The following IGF2BP3 variants were observed in gnomAD, a reference collection of about 807,000 sequenced individuals.
IGF2BP3 encodes the protein insulin like growth factor 2 mRNA binding protein 3.
A neutral mutation model predicts 73.8 loss-of-function variants in IGF2BP3; 9 were observed. The ratio of observed to expected loss-of-function variants is 0.12; its 90% CI spans 0.07 to 0.21. The LOEUF (loss-of-function observed/expected upper bound fraction) is 0.21. Among genes scored for constraint, IGF2BP3 ranks in the 10% least tolerant of loss-of-function variants. The pLI is 1.00. For synonymous variants in IGF2BP3, 258 were observed against 256.7 expected (o/e 1.01, Z -0.05); for missense variants, 542 against 714.0 (o/e 0.76, Z 2.75).
intron 10 of IGF2BP3, among the ~76,000 whole-genome samples, chr7:23,325,188 A>C (rs964434064): frequency 2.0e-5 from 3 of 152,206 alleles, no homozygotes; most frequent in African/African-American, 7.2e-5. Context: ...GTCTCAGCCC[A>C]AAATCTCCTT....
chr7:23,392,483 T>TATACACAC (rs894226871), intron 3 of IGF2BP3, among the ~76,000 whole-genome samples: 1 of 150,782 alleles, frequency 6.6e-6, no homozygotes, highest in Admixed American at 6.6e-5. Context: ...TATATATATA[T>TATACACAC]ATACACACAT....
At chr7:23,316,289 G>C (rs569176155) in intron 12 of IGF2BP3, among the ~76,000 whole-genome samples, 3 of 152,160 alleles carry the variant, frequency 2.0e-5, no homozygotes, top group African/African-American at 7.2e-5. Flanking sequence ...AGAAGTCAAA[G>C]AAAGTGATTT....
chr7:23,362,936 G>A (rs1340906142), intron 3 of IGF2BP3, among the ~76,000 whole-genome samples: 3 of 151,664 alleles, frequency 2.0e-5, no homozygotes, highest in Non-Finnish European at 2.9e-5. Flanking sequence ...AAAATTTTTT[G>A]TAGAGATGAG....
intron 3 of IGF2BP3, among the ~76,000 whole-genome samples, chr7:23,367,565 G>A (rs941868603): frequency 2.0e-5 from 3 of 151,468 alleles, no homozygotes; most frequent in East Asian, 2.0e-4. Flanking sequence ...CTATGCTTAG[G>A]TAAGTTTAAA....
intron 10 of IGF2BP3, among the ~76,000 whole-genome samples, chr7:23,341,792 T>G (rs1185604559): frequency 2.0e-5 from 3 of 152,072 alleles, no homozygotes; most frequent in Admixed American, 6.5e-5. Flanking sequence ...AAAAAAATTT[T>G]TTTAAATAAG....
chr7:23,314,259 T>C (rs992286501), intron 12 of IGF2BP3, among the ~76,000 whole-genome samples: 19 of 151,810 alleles, frequency 1.3e-4, no homozygotes, highest in Non-Finnish European at 2.1e-4. Flanking sequence ...CTTGGGTCAC[T>C]GCAACCCCCG....
chr7:23,426,249 C>A (rs1292567282), intron 2 of IGF2BP3, among the ~76,000 whole-genome samples: 2 of 145,322 alleles, frequency 1.4e-5, no homozygotes, highest in African/African-American at 2.6e-5. Flanking sequence ...ATCGCTTGAA[C>A]TCAGAGGCTG....
At position 23,310,706 on chromosome 7, in the gene IGF2BP3, A is replaced by C. The variant is rs1224545135; in HGVS notation, c.*1656T>G. The C allele has an allele frequency of 6.6e-6, 1 of 152,238 alleles. No individual in the cohort carries two copies. The highest frequency in any genetic ancestry group is 1.9e-4 in the East Asian group (1 of 5,200). The allele number at this position is 152,238 out of a possible 1,614,324, so 9.4% of individuals were successfully genotyped here. On this transcript the variant is annotated 3_prime_UTR_variant, in exon 15 of 15. Coordinates refer to ENST00000258729, the MANE Select transcript of IGF2BP3 (RefSeq NM_006547.3). ...GAGAACATTAAGGAAAACACTTTAA[A>C]TCATTTTCAAAATGTCTAATTGATC...
intron 11 of IGF2BP3, 132 bp downstream of exon 11, chr7:23,319,006 G>C (rs924263194): frequency 6.3e-6 from 4 of 634,296 alleles, no homozygotes; most frequent in Non-Finnish European, 1.1e-5. Flanking sequence ...CTGTTGTTTG[G>C]GGGTTTCTTC....
Position 23,469,774 on chromosome 7 carries a change from C to G in IGF2BP3, c.175+162G>C, listed in dbSNP as rs2128553684. Among the ~76,000 whole-genome samples, 1 of 151,712 alleles carries G rather than the reference C, an allele frequency of 6.6e-6. No individual in the cohort carries two copies. Among genetic ancestry groups the G allele is most frequent in the South Asian group, 2.1e-4 (1 of 4,816 alleles). ...CCGCGGGCCGGAGTGGGAGCCGGAG[C>G]TGAGGAGAGCCCCGGCCCCCACGCG... On this transcript the variant is annotated intron_variant, in intron 1 of 14. Coordinates refer to ENST00000258729, the MANE Select transcript of IGF2BP3 (RefSeq NM_006547.3). This position sits in a 1 kb window ranked among gnomAD's most constrained non-coding sequence, Gnocchi z 6.1.
At chr7:23,332,354 T>C (rs1784465894) in intron 10 of IGF2BP3, among the ~76,000 whole-genome samples, 1 of 152,206 alleles carries the variant, frequency 6.6e-6, no homozygotes, top group African/African-American at 2.4e-5. Flanking sequence ...ACTAAATTTG[T>C]ACCATATTGT....
chr7:23,400,696 T>C (rs1245403954), intron 3 of IGF2BP3, among the ~76,000 whole-genome samples: 1 of 152,200 alleles, frequency 6.6e-6, no homozygotes, highest in African/African-American at 2.4e-5. Flanking sequence ...GATCCAACCA[T>C]AAATACCTAC....
At chr7:23,374,334 C>G (rs1446506114) in intron 3 of IGF2BP3, among the ~76,000 whole-genome samples, 1 of 152,078 alleles carries the variant, frequency 6.6e-6, no homozygotes, top group African/African-American at 2.4e-5. Context: ...ACCTTGGATA[C>G]CAAAATTCAC....
chr7:23,363,931 T>C (rs1785298051), intron 3 of IGF2BP3, among the ~76,000 whole-genome samples: 2 of 152,228 alleles, frequency 1.3e-5, no homozygotes, highest in East Asian at 1.9e-4. Context: ...ATACAACACA[T>C]AATTCCTTAA....
intron 12 of IGF2BP3, among the ~76,000 whole-genome samples, chr7:23,316,438 T>A (rs906227439): frequency 6.6e-6 from 1 of 151,962 alleles, no homozygotes; most frequent in Admixed American, 6.6e-5. Flanking sequence ...TCCCAGCACT[T>A]TGGGAGGCTA....
In IGF2BP3 at chr7:23,327,344, A is replaced by G. The variant is rs369461506; in HGVS notation, c.1204-8090T>C. Among the ~76,000 whole-genome samples, 206 of 149,092 alleles carry G rather than the reference A, an allele frequency of 1.4e-3. 1 individual carries two copies. The highest frequency in any genetic ancestry group is 4.9e-3 in the African/African-American group (197 of 40,306). ...GGCCCAGGCTGGAGTGCAGTGGCGC[A>G]ATCTCGGCTCACTGCAAGCTCCGCC... On this transcript the variant is annotated intron_variant, in intron 10 of 14. Transcript: ENST00000258729.
At chr7:23,321,563 A>G (rs1327536964) in intron 10 of IGF2BP3, among the ~76,000 whole-genome samples, 1 of 152,232 alleles carries the variant, frequency 6.6e-6, no homozygotes, top group Non-Finnish European at 1.5e-5. Flanking sequence ...AACTGGGTGG[A>G]GCCCACCACA....
rs2128553714 is a variant in IGF2BP3, at chr7:23,469,912, G to A, written c.175+24C>T. On this transcript the variant is annotated intron_variant, in intron 1 of 14. Transcript: ENST00000258729. The surrounding 1 kb of genome is among the most constrained non-coding windows in gnomAD (Gnocchi z 6.1). ...CGGTGCAGGGCTGGGGCGAGAGCCC[G>A]GGTGGGGCCAGGCCCGGGCCCACCT... 1 of 1,578,472 alleles carries A rather than the reference G, an allele frequency of 6.3e-7. No individual in the cohort carries two copies. The highest frequency in any genetic ancestry group is 8.6e-7 in the Non-Finnish European group (1 of 1,164,496).
intron 3 of IGF2BP3, among the ~76,000 whole-genome samples, chr7:23,375,469 G>A (rs962919600): frequency 6.6e-6 from 1 of 152,086 alleles, no homozygotes; most frequent in Non-Finnish European, 1.5e-5. Context: ...GCTTTTCGCC[G>A]CTAAAACAAA....
Sources: allele counts gnomAD v4.1 joint callset (sites outside exome capture counted in the v4.1 genomes callset), GRCh38; gene constraint gnomAD v4.1.1; non-coding constraint Gnocchi (gnomAD v3.1); transcripts MANE v1.5; gene names NCBI Gene and HGNC (gene_info 2026-07-23, HGNC 2026-07-21).